Variants in WDR70 observed in about 807,000 individuals in gnomAD.
The protein encoded by WDR70 is WD repeat-containing protein 70.
A neutral mutation model predicts 88.6 loss-of-function variants in WDR70; 53 were observed. The observed-to-expected ratio is 0.60, with a 90% CI of 0.48 to 0.75. The LOEUF is 0.75. Among genes scored for constraint, WDR70 ranks in the 30% least tolerant of loss-of-function variants. WDR70 has a pLI of 0.00. For missense variants in WDR70, 610 were observed against 823.2 expected (o/e 0.74, Z 3.17); for synonymous variants, 280 against 270.0 (o/e 1.04, Z -0.36).
At chr5:37,620,689 C>T (rs1400403380) in intron 10 of WDR70, among the ~76,000 whole-genome samples, 1 of 152,066 alleles carries the variant, frequency 6.6e-6, no homozygotes, top group East Asian at 1.9e-4. Context: ...TTTTATGACC[C>T]ACTAATGAGT....
At chr5:37,542,373 G>A (rs1231684119) in intron 9 of WDR70, among the ~76,000 whole-genome samples, 8 of 150,580 alleles carry the variant, frequency 5.3e-5, no homozygotes, top group Middle Eastern at 3.4e-3. Flanking sequence ...TCCACCTCCC[G>A]GGTTCAAGCA....
At chr5:37,723,267 G>T in intron 15 of WDR70, 1 of 267,500 alleles carries the variant, frequency 3.7e-6, no homozygotes, top group Non-Finnish European at 7.1e-6. Context: ...CAGGAGGCCT[G>T]GGTTTGTCCA....
intron 10 of WDR70, among the ~76,000 whole-genome samples, chr5:37,634,038 A>G (rs1478483988): frequency 6.6e-6 from 1 of 151,726 alleles, no homozygotes; most frequent in African/African-American, 2.4e-5. Flanking sequence ...GGTGGCTCAC[A>G]CCTGTAATCC....
intron 13 of WDR70, among the ~76,000 whole-genome samples, chr5:37,713,495 A>C (rs1747573728): frequency 6.6e-6 from 1 of 151,754 alleles, no homozygotes; most frequent in Non-Finnish European, 1.5e-5. Context: ...TAAATATTTA[A>C]ATTTATTTAA....
At chr5:37,383,078 TA>T (rs1748483598) in intron 3 of WDR70, among the ~76,000 whole-genome samples, 1 of 151,530 alleles carries the variant, frequency 6.6e-6, no homozygotes, top group African/African-American at 2.4e-5. Flanking sequence ...TAAAATAAAA[TA>T]AGATAAAATA....
Position 37,479,942 on chromosome 5 carries a change from A to G in WDR70, c.795A>G (p.Glu265=). The part of the protein sequence containing the change: ...VIDRDGFEVM[E]CIKGDQYIVD... ...ACAGAGATGGTTTTGAAGTAATGGA[A>G]TGTATAAAAGGAGACCAGTATATTG... Residue 265 remains glutamate (E), a synonymous_variant, in exon 8 of 18, where the codon GAA becomes GAG. Transcript: ENST00000265107. The G allele has an allele frequency of 1.2e-6, 2 of 1,614,182 alleles. No homozygotes were observed. Among genetic ancestry groups the G allele is most frequent in the Middle Eastern group, 1.6e-4 (1 of 6,062 alleles).
At chr5:37,546,057 T>C (rs1316595112) in intron 9 of WDR70, among the ~76,000 whole-genome samples, 2 of 152,212 alleles carry the variant, frequency 1.3e-5, no homozygotes, top group East Asian at 3.8e-4. Flanking sequence ...AATAAAATAT[T>C]ACTGGAGGAG....
At chr5:37,670,445 A>G (rs1745993135) in intron 10 of WDR70, among the ~76,000 whole-genome samples, 1 of 152,222 alleles carries the variant, frequency 6.6e-6, no homozygotes, top group African/African-American at 2.4e-5. Context: ...ACCAAGATAC[A>G]AAGTATAGAG....
intron 10 of WDR70, among the ~76,000 whole-genome samples, chr5:37,691,586 C>G (rs1334684455): frequency 1.3e-5 from 2 of 152,212 alleles, no homozygotes; most frequent in African/African-American, 4.8e-5. Flanking sequence ...TACATGGAAA[C>G]TGAACAACCT....
At chr5:37,559,789 G>A (rs934513988) in intron 9 of WDR70, among the ~76,000 whole-genome samples, 14 of 151,308 alleles carry the variant, frequency 9.3e-5, no homozygotes, top group Non-Finnish European at 1.8e-4. Context: ...AGGTTGTGGT[G>A]AGCTGAGATC....
intron 9 of WDR70, among the ~76,000 whole-genome samples, chr5:37,581,223 A>G (rs1581410520): frequency 7.2e-6 from 1 of 138,562 alleles, no homozygotes. Flanking sequence ...CAATCAATCA[A>G]ACTTTTCCCA....
intron 10 of WDR70, among the ~76,000 whole-genome samples, chr5:37,621,019 G>A (rs778807463): frequency 1.3e-5 from 2 of 151,918 alleles, no homozygotes; most frequent in Non-Finnish European, 2.9e-5. Flanking sequence ...CTAAGCCCTT[G>A]AAGACATCTG....
At chr5:37,730,827 A>G (rs1197164124) in intron 17 of WDR70, among the ~76,000 whole-genome samples, 1 of 152,136 alleles carries the variant, frequency 6.6e-6, no homozygotes, top group Non-Finnish European at 1.5e-5. Context: ...CTCAATCTTT[A>G]TACTGCTACC....
intron 9 of WDR70, among the ~76,000 whole-genome samples, chr5:37,538,174 G>A (rs1022629669): frequency 6.6e-6 from 1 of 152,122 alleles, no homozygotes; most frequent in South Asian, 2.1e-4. Flanking sequence ...AGCAGGCTCT[G>A]TTGTATTCAT....
At chr5:37,588,699 C>T (rs1314133403) in intron 9 of WDR70, among the ~76,000 whole-genome samples, 2 of 152,110 alleles carry the variant, frequency 1.3e-5, no homozygotes, top group Non-Finnish European at 2.9e-5. Context: ...ACCTCGGCCT[C>T]CCAAGTAGCT....
Position 37,511,720 on chromosome 5 carries a change from A to G in WDR70, c.841-4794A>G, listed in dbSNP as rs530673981. ...TTGATACCCTTAATTTCTATTTAAC[A>G]TCAGAGAGTTCATTCTAGTCTTCCG... On this transcript the variant is annotated intron_variant, in intron 8 of 17. Transcript: ENST00000265107. 2.4e-4 allele frequency among the ~76,000 whole-genome samples: 37 copies of G among 152,334 alleles called. No individual in the cohort carries two copies. The South Asian group carries it at 7.5e-3, about 31-fold the overall frequency.
chr5:37,588,841 G>C (rs1743440310), intron 9 of WDR70, among the ~76,000 whole-genome samples: 1 of 151,874 alleles, frequency 6.6e-6, no homozygotes, highest in Admixed American at 6.6e-5. Flanking sequence ...TCAGCTCATT[G>C]TAACCCTCTG....
chr5:37,650,851 G>A (rs761660375), intron 10 of WDR70, among the ~76,000 whole-genome samples: 5 of 151,790 alleles, frequency 3.3e-5, no homozygotes, highest in African/African-American at 4.8e-5. Context: ...AAAAGAAACT[G>A]TTCTTTATAA....
At chr5:37,699,817 G>T (rs929684588) in intron 11 of WDR70, among the ~76,000 whole-genome samples, 1 of 151,682 alleles carries the variant, frequency 6.6e-6, no homozygotes, top group Non-Finnish European at 1.5e-5. Context: ...ATGTAGTGGC[G>T]CATGTCTGTA....
Sources: gnomAD v4.1 joint callset for allele counts (sites outside exome capture counted in the v4.1 genomes callset) on GRCh38, gnomAD v4.1.1 for gene constraint, MANE v1.5 for transcripts, NCBI Gene and HGNC (gene_info 2026-07-23, HGNC 2026-07-21) for gene names.